The following RILPL1 variants were observed in gnomAD, a reference collection of about 807,000 sequenced individuals.
RILPL1 encodes Rab interacting lysosomal protein like 1, also known as RILP-like protein 1.
A neutral mutation model predicts 50.3 loss-of-function variants in RILPL1; 33 were observed. The observed-to-expected ratio is 0.66, with a 90% confidence interval of 0.50 to 0.88. The LOEUF (loss-of-function observed/expected upper bound fraction) is 0.88, where lower values mean the gene tolerates loss of function less well. RILPL1 is among the 40% of genes least tolerant of loss of function. The probability of loss-of-function intolerance (pLI) is 0.00; values close to 1 mark genes in which losing one functional copy is unlikely to be tolerated. For missense variants in RILPL1, 418 were observed against 542.5 expected (o/e 0.77, Z 2.28); for synonymous variants, 205 against 228.6 (o/e 0.90, Z 0.93).
intron 1 of RILPL1, among the ~76,000 whole-genome samples, chr12:123,529,755 T>C (rs1354023878): frequency 6.6e-6 from 1 of 151,496 alleles, no homozygotes; most frequent in African/African-American, 2.4e-5. Flanking sequence ...GTGCCTGTAG[T>C]CTTAGCTACT....
rs1425520145 is a variant in RILPL1 at position 123,533,251 on chromosome 12, C to A, written c.232G>T (p.Asp78Tyr). 6.3e-7 allele frequency: 1 copy of A among 1,592,994 alleles called. No individual in the cohort carries two copies. The highest frequency in any genetic ancestry group is 1.1e-5 in the South Asian group (1 of 88,790). ...CGGTCCAGCTCCAGGCGCAGCTCGT[C>A]CAGCTCGGGCGCGACGTGGTGGCGG... Reference protein sequence around the residue: ...VSRHHVAPELDELRLELDRLR... With the variant: ...VSRHHVAPELYELRLELDRLR... The change falls in exon 1 of 7, where the codon GAC becomes TAC. Residue 78 changes from aspartate (D) to tyrosine (Y), a missense_variant. Physicochemically the swap from Asp to Tyr is radical, Grantham distance 160. Coordinates refer to ENST00000376874, the MANE Select transcript of RILPL1 (RefSeq NM_178314.5). This position sits in a 1 kb window ranked among gnomAD's most constrained non-coding sequence, Gnocchi z 6.2.
At position 123,485,668 on chromosome 12, in the gene RILPL1, C is replaced by G. The variant is rs754293799; in HGVS notation, c.939G>C (p.Val313=). ...LHERNELKSK[V]FLLQEELAYY... is the part of the protein sequence containing the mutation. ...AAGCCAGCTCCTCCTGCAGCAAGAA[C>G]ACCTTGGACTTGAGCTCGTTCCTCT... The change falls in exon 5 of 7, where the codon GTG becomes GTC. Residue 313 remains valine, a synonymous_variant. Transcript: ENST00000376874. The surrounding 1 kb of genome is among the most constrained non-coding windows in gnomAD (Gnocchi z 4.0). The G allele has an allele frequency of 6.2e-6, 10 of 1,613,726 alleles. No individual in the cohort carries two copies. The African/African-American group carries it at 1.2e-4, about 19-fold the overall frequency.
At chr12:123,479,402 C>T (rs1881811816) in intron 6 of RILPL1, among the ~76,000 whole-genome samples, 1 of 152,134 alleles carries the variant, frequency 6.6e-6, no homozygotes, top group Non-Finnish European at 1.5e-5. Context: ...GAGCAGACCG[C>T]ATGGCTAATA....
At chr12:123,502,285 G>T (rs1268080786) in intron 2 of RILPL1, among the ~76,000 whole-genome samples, 4 of 152,214 alleles carry the variant, frequency 2.6e-5, no homozygotes, top group Non-Finnish European at 5.9e-5. Context: ...GGTGACTGTA[G>T]TCTGAGGCTG....
intron 1 of RILPL1, among the ~76,000 whole-genome samples, chr12:123,527,170 A>G (rs148715447): frequency 6.6e-6 from 1 of 152,164 alleles, no homozygotes; most frequent in African/African-American, 2.4e-5. Context: ...GTCTCTATAA[A>G]AAATACAAAA....
intron 1 of RILPL1, among the ~76,000 whole-genome samples, chr12:123,529,394 C>T (rs765962805): frequency 7.2e-5 from 11 of 152,172 alleles, no homozygotes; most frequent in East Asian, 3.9e-4. Context: ...CAGGTTCAAG[C>T]GATTCTCCTG....
Position 123,470,474 on chromosome 12 carries a change from A to T in RILPL1, c.*2064T>A. The T allele has an allele frequency of 1.5e-4, 1 of 6,646 alleles. No homozygotes were observed. The highest frequency in any genetic ancestry group is 4.3e-4 in the Non-Finnish European group (1 of 2,352). The allele number at this position is 6,646 out of a possible 1,614,324, so 0.4% of individuals were successfully genotyped here. A position where few individuals can be genotyped will look rare whatever the true frequency, so the allele number is the denominator to read the frequency against. On this transcript the variant is annotated 3_prime_UTR_variant, in exon 7 of 7. Coordinates refer to ENST00000376874, the MANE Select transcript of RILPL1 (RefSeq NM_178314.5). Reference sequence around the variant, plus strand: ...GGTGACAGAGTGAGACCCTGTGTCCAAAAAAAAAAAAAAAAAAAAGGCCAG... The same window carrying T: ...GGTGACAGAGTGAGACCCTGTGTCCTAAAAAAAAAAAAAAAAAAAGGCCAG...
At chr12:123,479,597 C>A (rs1881824113) in intron 6 of RILPL1, among the ~76,000 whole-genome samples, 1 of 152,170 alleles carries the variant, frequency 6.6e-6, no homozygotes, top group African/African-American at 2.4e-5. Context: ...AGCTTCCAAC[C>A]AGCAGTAGAG....
rs181585902 is a variant in RILPL1, at chr12:123,485,958, G to A, written c.802-153C>T. Among the ~76,000 whole-genome samples, 181 of 152,280 alleles carry A rather than the reference G, an allele frequency of 1.2e-3. No homozygotes were observed. Among genetic ancestry groups the A allele is most frequent in the African/African-American group, 4.1e-3 (172 of 41,572 alleles). On this transcript the variant is annotated intron_variant, in intron 4 of 6. Transcript: ENST00000376874. This position sits in a 1 kb window ranked among gnomAD's most constrained non-coding sequence, Gnocchi z 4.0. ...GCACTCGCAGGCGGCCCTTGCTCAC[G>A]TTCTGTACAGTTTCCCTCTGGAGGT...
chr12:123,511,981 C>G (rs1471132140), intron 2 of RILPL1, among the ~76,000 whole-genome samples: 24 of 69,412 alleles, frequency 3.5e-4, no homozygotes, highest in East Asian at 1.0e-3. Context: ...TGTGTGAGGT[C>G]TGTGTGTGGT....
At chr12:123,525,545 C>CA (rs1348185744) in intron 1 of RILPL1, among the ~76,000 whole-genome samples, 3 of 149,938 alleles carry the variant, frequency 2.0e-5, no homozygotes, top group African/African-American at 2.5e-5. Flanking sequence ...ACTAAAAATA[C>CA]AAAAAATTAG....
intron 2 of RILPL1, among the ~76,000 whole-genome samples, chr12:123,512,145 C>CTG (rs1294185047): frequency 6.3e-5 from 2 of 31,666 alleles, no homozygotes; most frequent in African/African-American, 1.3e-4. Flanking sequence ...TGTGTGAGGT[C>CTG]TGTGTGTGTG....
intron 1 of RILPL1, among the ~76,000 whole-genome samples, chr12:123,526,756 G>A (rs754341824): frequency 3.9e-5 from 6 of 152,216 alleles, no homozygotes; most frequent in Non-Finnish European, 5.9e-5. Flanking sequence ...CACCAGGGGA[G>A]GTGAAGGGCA....
In RILPL1 at chr12:123,471,967, G is replaced by C. The variant is rs1050348373; in HGVS notation, c.*571C>G. The C allele has an allele frequency of 6.5e-6, 1 of 153,436 alleles. No individual in the cohort carries two copies. The highest frequency in any genetic ancestry group is 2.4e-5 in the African/African-American group (1 of 41,454). The allele number at this position is 153,436 out of a possible 1,614,324, so 9.5% of individuals were successfully genotyped here. A position where few individuals can be genotyped will look rare whatever the true frequency, so the allele number is the denominator to read the frequency against. On this transcript the variant is annotated 3_prime_UTR_variant, in exon 7 of 7. Coordinates refer to ENST00000376874, the MANE Select transcript of RILPL1 (RefSeq NM_178314.5). ...AAAGTTGTCTCCAGTTTCTGGGTAA[G>C]AGGACCATCATCCATATTGTCTGTG...
At chr12:123,525,113 C>CA (rs1340461394) in intron 1 of RILPL1, among the ~76,000 whole-genome samples, 1 of 151,982 alleles carries the variant, frequency 6.6e-6, no homozygotes, top group Non-Finnish European at 1.5e-5. Flanking sequence ...GCCTGGGTGA[C>CA]AGAGTGAGAC....
chr12:123,533,527 T>TC lies in RILPL1; in HGVS notation c.-46dup. ...CCCCCGCCCCGCAAACTCGTGCAACTCCCAAACTTGCCGCTGTCGAGGGCC... is the reference window on the plus strand; with the variant it reads ...CCCCCGCCCCGCAAACTCGTGCAACTCCCCAAACTTGCCGCTGTCGAGGGCC... On this transcript the variant is annotated 5_prime_UTR_variant, in exon 1 of 7. Transcript: ENST00000376874. The surrounding 1 kb of genome is among the most constrained non-coding windows in gnomAD (Gnocchi z 6.2). 7.0e-7 allele frequency: 1 copy of TC among 1,425,498 alleles called. No homozygotes were observed. Among genetic ancestry groups the TC allele is most frequent in the South Asian group, 1.4e-5 (1 of 70,456 alleles). 88.3% of individuals were successfully genotyped at this position (1,425,498 alleles called of 1,614,324 possible). A position where few individuals can be genotyped will look rare whatever the true frequency, so the allele number is the denominator to read the frequency against.
rs1402106520 is a variant in RILPL1 at position 123,533,502 on chromosome 12, C to T, written c.-20G>A. 1.0e-5 allele frequency: 15 copies of T among 1,483,888 alleles called. No individual in the cohort carries two copies. The South Asian group carries it at 1.3e-4, about 13-fold the overall frequency. The allele number at this position is 1,483,888 out of a possible 1,614,324, so 91.9% of individuals were successfully genotyped here. A position where few individuals can be genotyped will look rare whatever the true frequency, so the allele number is the denominator to read the frequency against. ...CTCCATGGCCACCCTCCTGGCCTGT[C>T]CCCCGCCCCGCAAACTCGTGCAACT... On this transcript the variant is annotated 5_prime_UTR_variant, in exon 1 of 7. Transcript: ENST00000376874. This position sits in a 1 kb window ranked among gnomAD's most constrained non-coding sequence, Gnocchi z 6.2.
rs1882266487 is a variant in RILPL1, at chr12:123,485,512, T to A, written c.974+121A>T. 5.5e-6 allele frequency: 5 copies of A among 915,090 alleles called. No homozygotes were observed. Among genetic ancestry groups the A allele is most frequent in the Non-Finnish European group, 8.3e-6 (5 of 601,728 alleles). The allele number at this position is 915,090 out of a possible 1,614,324, so 56.7% of individuals were successfully genotyped here. A position where few individuals can be genotyped will look rare whatever the true frequency, so the allele number is the denominator to read the frequency against. ...TGTAAGTTCTTTAGGCCAGAGAGGG[T>A]ACCCAAAAAAAACACTGATGAAATG... On this transcript the variant is annotated intron_variant, in intron 5 of 6. Coordinates refer to ENST00000376874, the MANE Select transcript of RILPL1 (RefSeq NM_178314.5). This position sits in a 1 kb window ranked among gnomAD's most constrained non-coding sequence, Gnocchi z 4.0.
chr12:123,483,661 C>CT (rs143555206), intron 6 of RILPL1, among the ~76,000 whole-genome samples: 3,757 of 152,224 alleles, frequency 0.025, 77 homozygotes, highest in Admixed American at 0.063. Context: ...CTAGGTCACT[C>CT]TTTTTTGCGG....
Sources: gnomAD v4.1 joint callset for allele counts (sites outside exome capture counted in the v4.1 genomes callset) on GRCh38, gnomAD v4.1.1 for gene constraint, Gnocchi (gnomAD v3.1) non-coding constraint, MANE v1.5 for transcripts, NCBI Gene and HGNC (gene_info 2026-07-23, HGNC 2026-07-21) for gene names.